The following ANTXR1 variants were observed in gnomAD, a reference collection of about 807,000 sequenced individuals.
ANTXR1 encodes the protein ANTXR cell adhesion molecule 1.
ANTXR1 carries 19 observed loss-of-function variants against 78.1 expected under a neutral mutation model. That is an observed-to-expected ratio of 0.24 (90% CI 0.17 to 0.36). ANTXR1 has a LOEUF of 0.36. Ranked by LOEUF, ANTXR1 falls within the 10% of genes least tolerant of loss-of-function variation. The pLI is 1.00. For synonymous variants in ANTXR1, 273 were observed against 260.5 expected (o/e 1.05, Z -0.46); for missense variants, 518 against 718.6 (o/e 0.72, Z 3.19).
At chr2:69,076,351 T>G (rs1476068131) in intron 7 of ANTXR1, among the ~76,000 whole-genome samples, 2 of 152,182 alleles carry the variant, frequency 1.3e-5, no homozygotes, top group Non-Finnish European at 2.9e-5. Flanking sequence ...AAACGCAAAG[T>G]ATTTTCAACA....
intron 16 of ANTXR1, among the ~76,000 whole-genome samples, chr2:69,183,866 A>C (rs1034367577): frequency 1.3e-5 from 2 of 152,130 alleles, no homozygotes; most frequent in Non-Finnish European, 2.9e-5. Flanking sequence ...GACTCTAGAC[A>C]TAATCTGTCC....
chr2:69,036,902 CTA>C (rs947635649), intron 1 of ANTXR1, among the ~76,000 whole-genome samples: 3 of 152,186 alleles, frequency 2.0e-5, no homozygotes, highest in Non-Finnish European at 4.4e-5. Context: ...CTGGACCAGT[CTA>C]TGTGACCTGA....
chr2:69,068,197 G>A (rs368581099), intron 3 of ANTXR1, among the ~76,000 whole-genome samples: 8 of 152,140 alleles, frequency 5.3e-5, no homozygotes, highest in African/African-American at 1.7e-4. Flanking sequence ...CACTGTAGTA[G>A]GCACAGAAGA....
rs1202466193 is a variant in ANTXR1, at chr2:69,110,861, C to CA, written c.802+7930dup. Among the ~76,000 whole-genome samples the CA allele has an allele frequency of 2.1e-3, 320 of 150,882 alleles. 2 individuals are homozygous for CA. The highest frequency in any genetic ancestry group is 7.5e-3 in the African/African-American group (307 of 41,140). ...CGGGCGACAGAGCAAGACTCCGTCT[C>CA]AAAAAAAAAGTTACAAAACAATACA... On this transcript the variant is annotated intron_variant, in intron 10 of 17. Transcript: ENST00000303714.
At chr2:69,162,402 C>T (rs1162093213) in intron 13 of ANTXR1, among the ~76,000 whole-genome samples, 1 of 152,134 alleles carries the variant, frequency 6.6e-6, no homozygotes, top group African/African-American at 2.4e-5. Flanking sequence ...GAATTCATAA[C>T]CTCTGAGAGG....
At chr2:69,101,992 G>A (rs554464019) in intron 9 of ANTXR1, among the ~76,000 whole-genome samples, 1 of 152,202 alleles carries the variant, frequency 6.6e-6, no homozygotes, top group Non-Finnish European at 1.5e-5. Context: ...TTATTCATGT[G>A]CATTAATCAA....
chr2:69,185,520 AC>A (rs1466343533), intron 16 of ANTXR1, among the ~76,000 whole-genome samples: 2 of 151,752 alleles, frequency 1.3e-5, no homozygotes, highest in East Asian at 3.9e-4. Context: ...AGCCTGGGCA[AC>A]AGGGCAAGAC....
intron 8 of ANTXR1, among the ~76,000 whole-genome samples, chr2:69,080,261 GCTAA>G (rs1312608889): frequency 7.9e-5 from 12 of 152,138 alleles, no homozygotes; most frequent in East Asian, 1.9e-4. Context: ...CTAAAAGTTG[GCTAA>G]CTATTTTTAA....
At chr2:69,015,691 G>A (rs75438883) in intron 1 of ANTXR1, among the ~76,000 whole-genome samples, 6,176 of 152,070 alleles carry the variant, frequency 0.041, 402 homozygotes, top group African/African-American at 0.14. Flanking sequence ...TAGGTTTAGA[G>A]CTTTTAAAAC....
At chr2:69,094,988 C>G (rs574348877) in intron 9 of ANTXR1, among the ~76,000 whole-genome samples, 4 of 152,316 alleles carry the variant, frequency 2.6e-5, no homozygotes, top group African/African-American at 9.6e-5. Context: ...AAAGCTGACA[C>G]AACCTTAGGG....
intron 4 of ANTXR1, among the ~76,000 whole-genome samples, 164 bp from the exon 5 acceptor site, chr2:69,071,590 A>G (rs1670567189): frequency 6.6e-6 from 1 of 152,234 alleles, no homozygotes; most frequent in Admixed American, 6.5e-5. Flanking sequence ...AGGTAACTTT[A>G]CATGGATATC....
At chr2:69,152,125 A>G in intron 12 of ANTXR1, 44 bp from the exon 13 acceptor site, 1 of 1,578,538 alleles carries the variant, frequency 6.3e-7, no homozygotes, top group Non-Finnish European at 8.7e-7. Flanking sequence ...AAGATCACAC[A>G]TGGTCCCATC....
chr2:69,124,295 C>T (rs1364928996), intron 11 of ANTXR1, among the ~76,000 whole-genome samples: 1 of 152,236 alleles, frequency 6.6e-6, no homozygotes, highest in Non-Finnish European at 1.5e-5. Flanking sequence ...ATGCCACTCA[C>T]TGCAATGCCG....
chr2:69,241,960 G>T (rs976871527), intron 17 of ANTXR1, among the ~76,000 whole-genome samples: 4 of 152,196 alleles, frequency 2.6e-5, no homozygotes, highest in East Asian at 1.9e-4. Context: ...GTGTCCCACA[G>T]TGGGGGCCAC....
chr2:69,152,396 C>T (rs537432909), intron 13 of ANTXR1, 132 bp downstream of exon 13: 1 of 912,130 alleles, frequency 1.1e-6, no homozygotes, highest in Non-Finnish European at 1.8e-6. Flanking sequence ...ACAATTTATA[C>T]AAAATTGATG....
chr2:69,031,511 G>A (rs932545250), intron 1 of ANTXR1, among the ~76,000 whole-genome samples: 3 of 152,140 alleles, frequency 2.0e-5, no homozygotes, highest in Admixed American at 6.5e-5. Context: ...GTCTAATTAC[G>A]TTGATGTGGG....
At chr2:69,146,310 C>G (rs376095892) in intron 12 of ANTXR1, 285 of 985,428 alleles carry the variant, frequency 2.9e-4, no homozygotes, top group African/African-American at 2.7e-3. Flanking sequence ...GAACTCCCCC[C>G]ACCACTTGCT....
intron 17 of ANTXR1, among the ~76,000 whole-genome samples, chr2:69,223,457 T>C (rs144470040): frequency 9.9e-4 from 151 of 152,310 alleles, no homozygotes; most frequent in African/African-American, 3.6e-3. Context: ...TACTTCCTTA[T>C]TACACAAATG....
At chr2:69,156,830 T>A (rs1673539295) in intron 13 of ANTXR1, among the ~76,000 whole-genome samples, 1 of 152,232 alleles carries the variant, frequency 6.6e-6, no homozygotes, top group Admixed American at 6.5e-5. Context: ...TGATGACTGA[T>A]GGCTGCAATC....
Sources: gnomAD v4.1 joint callset for allele counts (sites outside exome capture counted in the v4.1 genomes callset) on GRCh38, gnomAD v4.1.1 for gene constraint, MANE v1.5 for transcripts, NCBI Gene and HGNC (gene_info 2026-07-23, HGNC 2026-07-21) for gene names.